The following RTN4 variants were observed in gnomAD, a reference collection of about 807,000 sequenced individuals.
RTN4 encodes reticulon-4.
In RTN4, 32 loss-of-function variants were observed where a neutral mutation model predicts 90.4. That is an observed-to-expected ratio of 0.35 (90% CI 0.27 to 0.48). The LOEUF is 0.48. RTN4 is among the 20% of genes least tolerant of loss of function. The pLI, the probability that RTN4 is intolerant of heterozygous loss-of-function variation, is 0.99. For missense variants in RTN4, 1,706 were observed against 1,430.2 expected (o/e 1.19, Z -3.11); for synonymous variants, 629 against 552.5 (o/e 1.14, Z -1.94).
At chr2:54,980,114 G>A (rs1677997508) in intron 5 of RTN4, among the ~76,000 whole-genome samples, 1 of 152,182 alleles carries the variant, frequency 6.6e-6, no homozygotes, top group African/African-American at 2.4e-5. Context: ...TATCAAGTTC[G>A]ATTTCTCTCA....
At chr2:55,065,093 TGTA>T (rs1003121480) in intron 2 of RTN4, among the ~76,000 whole-genome samples, 46 of 152,258 alleles carry the variant, frequency 3.0e-4, no homozygotes, top group African/African-American at 9.4e-4. Context: ...GGTTGATATC[TGTA>T]GCCTGAAAAA....
Position 55,065,842 on chromosome 2 carries a change from G to A in RTN4, c.-63+14647C>T, listed in dbSNP as rs72795457. On this transcript the variant is annotated intron_variant, in intron 2 of 3. Transcript: ENST00000427710. Reference sequence around the variant, plus strand: ...GGGAAGTATTATTGACTGAGACAGGGCTTGATAGGGCCTTGTGGGATGCTG... The same window carrying A: ...GGGAAGTATTATTGACTGAGACAGGACTTGATAGGGCCTTGTGGGATGCTG... Among the ~76,000 whole-genome samples the A allele has an allele frequency of 2.4e-3, 372 of 152,322 alleles. 2 individuals carry two copies. The highest frequency in any genetic ancestry group is 4.4e-3 in the Admixed American group (67 of 15,302).
chr2:55,099,779 G>A (rs899057963), intron 1 of RTN4, among the ~76,000 whole-genome samples: 1 of 152,090 alleles, frequency 6.6e-6, no homozygotes, highest in Admixed American at 6.6e-5. Context: ...ATTGTGAAAA[G>A]AGAATAATAA....
the RTN4 span, among the ~76,000 whole-genome samples, chr2:55,120,909 C>A: frequency 6.6e-6 from 1 of 152,160 alleles, no homozygotes; most frequent in Non-Finnish European, 1.5e-5. Flanking sequence ...GGCATTCAAC[C>A]ACAGGGGTCC....
chr2:55,069,712 G>A (rs1573496213), intron 2 of RTN4, among the ~76,000 whole-genome samples: 1 of 152,122 alleles, frequency 6.6e-6, no homozygotes. Context: ...AGGCCCAACC[G>A]ACATTCCTGG....
chr2:55,049,566 C>T, intron 1 of RTN4, 179 bp downstream of exon 1: 1 of 1,037,882 alleles, frequency 9.6e-7, no homozygotes, highest in Non-Finnish European at 1.5e-6. Flanking sequence ...ACCCGGGCTC[C>T]AAGGGCCGCC....
intron 3 of RTN4, among the ~76,000 whole-genome samples, chr2:54,990,717 A>T (rs1388249451): frequency 1.3e-5 from 2 of 152,180 alleles, no homozygotes; most frequent in African/African-American, 4.8e-5. Flanking sequence ...AGTTTTTACT[A>T]TTATAGGGTA....
chr2:55,103,203 G>A (rs1667885056), intron 1 of RTN4, among the ~76,000 whole-genome samples: 1 of 151,742 alleles, frequency 6.6e-6, no homozygotes, highest in Non-Finnish European at 1.5e-5. Flanking sequence ...AGAACATTAT[G>A]CTGAGTGACA....
chr2:55,010,476 T>A, intron 3 of RTN4: 1 of 499,028 alleles, frequency 2.0e-6, no homozygotes, highest in Non-Finnish European at 2.7e-6. Flanking sequence ...TTCTTAGAAC[T>A]AACCACTGAA....
At chr2:55,022,881 C>T (rs926673573) in intron 3 of RTN4, among the ~76,000 whole-genome samples, 1 of 116,246 alleles carries the variant, frequency 8.6e-6, no homozygotes, top group African/African-American at 2.8e-5. Context: ...CTCTGAAATT[C>T]TAAATTCAAC....
chr2:55,048,551 G>A (rs1667903621), intron 1 of RTN4, among the ~76,000 whole-genome samples: 2 of 151,278 alleles, frequency 1.3e-5, no homozygotes, highest in South Asian at 4.2e-4. Context: ...ATTACCCTAG[G>A]CCTACACAGG....
intron 3 of RTN4, among the ~76,000 whole-genome samples, chr2:54,999,516 A>T (rs1679700878): frequency 6.6e-6 from 1 of 152,208 alleles, no homozygotes; most frequent in African/African-American, 2.4e-5. Context: ...ATACTAGGAC[A>T]GGGAATGGCT....
chr2:55,121,305 G>C, the RTN4 span, among the ~76,000 whole-genome samples: 1 of 152,152 alleles, frequency 6.6e-6, no homozygotes, highest in African/African-American at 2.4e-5. Context: ...TTATGATAGA[G>C]GAAGCTCAGG....
chr2:54,978,664 T>C (rs1677868461), intron 5 of RTN4, among the ~76,000 whole-genome samples: 1 of 152,166 alleles, frequency 6.6e-6, no homozygotes, highest in Non-Finnish European at 1.5e-5. Context: ...CTACTACATT[T>C]TCCTGAAATT....
chr2:55,098,594 AT>A (rs1482376136), intron 1 of RTN4, among the ~76,000 whole-genome samples: 11 of 152,162 alleles, frequency 7.2e-5, no homozygotes, highest in Non-Finnish European at 1.5e-4. Context: ...CCCCAAAAAA[AT>A]AACAATAATC....
intron 3 of RTN4, among the ~76,000 whole-genome samples, chr2:55,020,074 C>T (rs977551215): frequency 1.3e-5 from 2 of 152,070 alleles, no homozygotes; most frequent in Admixed American, 6.6e-5. Context: ...CAAAGAAAGA[C>T]ATTCCATGTT....
chr2:55,019,540 ACAT>A (rs778432950), intron 3 of RTN4, among the ~76,000 whole-genome samples: 57 of 152,322 alleles, frequency 3.7e-4, no homozygotes, highest in Non-Finnish European at 6.8e-4. Context: ...TGAGAGGGAC[ACAT>A]CATCATCTAT....
intron 3 of RTN4, among the ~76,000 whole-genome samples, chr2:55,020,758 C>T (rs2104835370): frequency 6.6e-6 from 1 of 152,200 alleles, no homozygotes; most frequent in South Asian, 2.1e-4. Context: ...ACCTGTAATC[C>T]CAGCACTTTG....
intron 1 of RTN4, among the ~76,000 whole-genome samples, chr2:55,032,417 T>C (rs1361489785): frequency 6.6e-6 from 1 of 151,934 alleles, no homozygotes; most frequent in East Asian, 1.9e-4. Flanking sequence ...AAAATAGCTA[T>C]TAAGATATTA....
Sources: allele counts gnomAD v4.1 joint callset (sites outside exome capture counted in the v4.1 genomes callset), GRCh38; gene constraint gnomAD v4.1.1; transcripts MANE v1.5; gene names NCBI Gene and HGNC (gene_info 2026-07-23, HGNC 2026-07-21).